Variants in ADAM12 observed in about 807,000 individuals in gnomAD.
The protein encoded by ADAM12 is disintegrin and metalloproteinase domain-containing protein 12.
Under a neutral mutation model 106.4 loss-of-function variants are expected in ADAM12, and 70 were observed. That is an observed-to-expected ratio of 0.66 (90% CI 0.54 to 0.80). The LOEUF (loss-of-function observed/expected upper bound fraction) is 0.80, where lower values mean the gene tolerates loss of function less well. Among genes scored for constraint, ADAM12 ranks in the 30% least tolerant of loss-of-function variants. ADAM12 has a pLI of 0.00. For synonymous variants in ADAM12, 420 were observed against 433.5 expected (o/e 0.97, Z 0.39); for missense variants, 1,010 against 1,171.9 (o/e 0.86, Z 2.02).
chr10:126,261,584 C>T (rs1959002109), intron 3 of ADAM12, among the ~76,000 whole-genome samples: 2 of 152,110 alleles, frequency 1.3e-5, no homozygotes, highest in Admixed American at 1.3e-4. Flanking sequence ...TTGTGAAGGG[C>T]AGGAACCGTG....
intron 14 of ADAM12, among the ~76,000 whole-genome samples, chr10:126,051,668 TCCAGCCAG>T (rs1171688733): frequency 6.6e-6 from 1 of 151,414 alleles, no homozygotes; most frequent in African/African-American, 2.4e-5. Context: ...CACCCATCCA[TCCAGCCAG>T]CCAGCCAGCC....
At position 126,071,576 on chromosome 10, in the gene ADAM12, G is replaced by A. The variant is rs749422361; in HGVS notation, c.1224C>T (p.Cys408=). The A allele has an allele frequency of 3.1e-6, 5 of 1,614,096 alleles. No homozygotes were observed. The highest frequency in any genetic ancestry group is 3.3e-4 in the Middle Eastern group (2 of 6,062). Residue 408 remains cysteine (C), a synonymous_variant, in exon 12 of 23, where the codon TGC becomes TGT. Transcript: ENST00000448723. ...ETSLEKGMGV[C]LFNLPEVRES... ...CCCTGACTTCCGGCAGGTTAAACAG[G>A]CACACCCCCATTCCTTTCTCCAGGC...
chr10:126,242,087 T>C (rs373848226), intron 3 of ADAM12, among the ~76,000 whole-genome samples: 6 of 152,320 alleles, frequency 3.9e-5, no homozygotes, highest in African/African-American at 9.6e-5. Context: ...CAAAGCTATG[T>C]TTCTGAAAAA....
intron 5 of ADAM12, among the ~76,000 whole-genome samples, chr10:126,125,782 T>C (rs1565077723): frequency 6.6e-6 from 1 of 151,746 alleles, no homozygotes; most frequent in Non-Finnish European, 1.5e-5. Flanking sequence ...CAAGATGAGA[T>C]TGTCCTGGAC....
At chr10:126,351,327 CAA>C (rs1237024231) in intron 1 of ADAM12, among the ~76,000 whole-genome samples, 2 of 152,172 alleles carry the variant, frequency 1.3e-5, no homozygotes, top group Non-Finnish European at 2.9e-5. Flanking sequence ...CAGCCCTATC[CAA>C]ATCAAGAGGG....
At chr10:126,178,125 G>A (rs1957251231) in intron 3 of ADAM12, among the ~76,000 whole-genome samples, 1 of 151,998 alleles carries the variant, frequency 6.6e-6, no homozygotes, top group African/African-American at 2.4e-5. Flanking sequence ...ATTAGACAAA[G>A]TCAATCATCA....
chr10:126,189,716 G>T (rs562635966), intron 3 of ADAM12, among the ~76,000 whole-genome samples: 1 of 152,230 alleles, frequency 6.6e-6, no homozygotes, highest in South Asian at 2.1e-4. Context: ...TCTACCTGCA[G>T]GCAGGCTTGC....
In ADAM12 at chr10:126,388,135, C is replaced by A. The variant is rs546980955; in HGVS notation, c.11G>T (p.Arg4Leu). The change falls in exon 1 of 23, where the codon CGC becomes CTC. Residue 4 changes from arginine (R) to leucine (L), a missense_variant. Around this residue, in one of 3 missense-constraint regions of ADAM12, gnomAD observed 391 missense variants for 442.9 expected, o/e 0.88. Transcript: ENST00000448723. This position sits in a 1 kb window ranked among gnomAD's most constrained non-coding sequence, Gnocchi z 4.4. Reference protein sequence around the residue: MAARPLPVSPARAL... With the variant: MAALPLPVSPARAL... ...GCGGGCGGGGGACACGGGCAGCGGG[C>A]GCGCTGCCATCGTCGCCGGCCTTCA... 11 of 1,215,854 alleles carry A rather than the reference C, an allele frequency of 9.0e-6. No individual in the cohort carries two copies. The Admixed American group carries it at 1.3e-4, about 14-fold the overall frequency. The allele number at this position is 1,215,854 out of a possible 1,614,324, so 75.3% of individuals were successfully genotyped here.
intron 2 of ADAM12, among the ~76,000 whole-genome samples, chr10:126,286,674 A>G (rs1463808556): frequency 6.6e-6 from 1 of 152,186 alleles, no homozygotes; most frequent in East Asian, 1.9e-4. Flanking sequence ...TTTAGAGAGG[A>G]CAAAATTGAA....
At chr10:126,057,826 T>C (rs1222528891) in intron 14 of ADAM12, among the ~76,000 whole-genome samples, 1 of 152,198 alleles carries the variant, frequency 6.6e-6, no homozygotes, top group African/African-American at 2.4e-5. Flanking sequence ...GACACAGGGT[T>C]ATTGTTTTGT....
At chr10:126,190,455 C>T (rs1361286531) in intron 3 of ADAM12, among the ~76,000 whole-genome samples, 1 of 152,088 alleles carries the variant, frequency 6.6e-6, no homozygotes, top group Non-Finnish European at 1.5e-5. Context: ...GTCCACCTGC[C>T]TCTGCTTCCC....
intron 3 of ADAM12, among the ~76,000 whole-genome samples, chr10:126,183,389 C>G (rs1343015618): frequency 6.6e-6 from 1 of 152,192 alleles, no homozygotes; most frequent in African/African-American, 2.4e-5. Context: ...GGGACCACTG[C>G]ACTAGAACAC....
chr10:126,166,541 A>T (rs959943794), intron 3 of ADAM12, among the ~76,000 whole-genome samples: 1 of 151,752 alleles, frequency 6.6e-6, no homozygotes, highest in African/African-American at 2.4e-5. Flanking sequence ...TTTTATCACC[A>T]GGCTGGAGTG....
intron 3 of ADAM12, among the ~76,000 whole-genome samples, chr10:126,276,066 C>T (rs991005257): frequency 1.3e-5 from 2 of 152,140 alleles, no homozygotes; most frequent in African/African-American, 4.8e-5. Flanking sequence ...AAAGTCTCAT[C>T]ATTTTAAATT....
chr10:126,036,525 C>G (rs766017616), intron 20 of ADAM12, among the ~76,000 whole-genome samples, 200 bp from the exon 21 acceptor site: 4 of 152,194 alleles, frequency 2.6e-5, no homozygotes, highest in Admixed American at 6.5e-5. Context: ...CATCACCTGC[C>G]TCCACCCCAC....
At chr10:126,038,202 C>T (rs1183840492) in intron 20 of ADAM12, 39 bp downstream of exon 20, 1 of 1,521,200 alleles carries the variant, frequency 6.6e-7, no homozygotes, top group Non-Finnish European at 9.0e-7. Flanking sequence ...CTCATGTCTG[C>T]ATGTGTGCCC....
chr10:126,117,765 G>GGGA (rs397737895), intron 6 of ADAM12, among the ~76,000 whole-genome samples: 3 of 125,012 alleles, frequency 2.4e-5, no homozygotes, highest in Admixed American at 1.6e-4. Flanking sequence ...AGTTGGGGGG[G>GGGA]CGTAATTTTG....
rs1173356318 is a variant in ADAM12, at chr10:126,016,883, G to C, written c.*396C>G. On this transcript the variant is annotated 3_prime_UTR_variant, in exon 23 of 23. Transcript: ENST00000448723. The stretch of plus-strand genomic sequence containing the variant: ...TGCATCTGGTACCATAAGCACAGCT[G>C]GGGGTAGTTGGGGGACTGCTTTCCA... 2 of 160,412 alleles carry C rather than the reference G, an allele frequency of 1.2e-5. No homozygotes were observed. Among genetic ancestry groups the C allele is most frequent in the Non-Finnish European group, 2.7e-5 (2 of 73,398 alleles). The allele number at this position is 160,412 out of a possible 1,614,324, so 9.9% of individuals were successfully genotyped here.
intron 11 of ADAM12, chr10:126,091,014 G>C (rs892446894): frequency 8.5e-5 from 13 of 152,212 alleles, no homozygotes; most frequent in Non-Finnish European, 1.5e-4. Flanking sequence ...GGTGGGAGGA[G>C]GAAGACACAG....
Sources: gnomAD v4.1 joint callset for allele counts (sites outside exome capture counted in the v4.1 genomes callset) on GRCh38, gnomAD v4.1.1 for gene constraint, gnomAD v4.1.1 regional missense constraint, Gnocchi (gnomAD v3.1) non-coding constraint, MANE v1.5 for transcripts, NCBI Gene and HGNC (gene_info 2026-07-23, HGNC 2026-07-21) for gene names.